PIK3C2G: variants seen among roughly 807,000 people sequenced by gnomAD.
The protein encoded by PIK3C2G is phosphatidylinositol-4-phosphate 3-kinase catalytic subunit type 2 gamma.
In PIK3C2G, 168 loss-of-function variants were observed where a neutral mutation model predicts 181.1. The observed-to-expected ratio is 0.93, with a 90% CI of 0.82 to 1.05. The LOEUF (loss-of-function observed/expected upper bound fraction) is 1.05, where lower values mean the gene tolerates loss of function less well. Among genes scored for constraint, PIK3C2G ranks in the 50% least tolerant of loss-of-function variants. PIK3C2G has a pLI of 0.00. For synonymous variants in PIK3C2G, 573 were observed against 592.2 expected, an observed-to-expected ratio of 0.97 and a Z score of 0.47; for missense variants, 1,869 against 1,732.8, an observed-to-expected ratio of 1.08 and a Z score of -1.40.
chr12:18,712,578 TA>T, the PIK3C2G span, among the ~76,000 whole-genome samples: 1 of 152,088 alleles, frequency 6.6e-6, no homozygotes, highest in Non-Finnish European at 1.5e-5. Context: ...CAATAATAAA[TA>T]TATTTTACCT....
chr12:18,262,614 C>CA (rs778968769), intron 1 of PIK3C2G, among the ~76,000 whole-genome samples: 11,244 of 95,038 alleles, frequency 0.12, 481 homozygotes, highest in Non-Finnish European at 0.14. Context: ...AGTGAGCTGA[C>CA]AAAAAAAAAA....
intron 5 of PIK3C2G, among the ~76,000 whole-genome samples, chr12:18,310,115 G>C (rs1210080657): frequency 6.6e-6 from 1 of 151,844 alleles, no homozygotes; most frequent in Non-Finnish European, 1.5e-5. Flanking sequence ...ATTCAATGTA[G>C]AGGAAACAAC....
chr12:18,377,577 G>A (rs776955215), intron 13 of PIK3C2G, among the ~76,000 whole-genome samples: 1 of 152,090 alleles, frequency 6.6e-6, no homozygotes, highest in Non-Finnish European at 1.5e-5. Context: ...AAACTCTGAA[G>A]ACCATTGATT....
At chr12:18,688,706 C>A in the PIK3C2G span, among the ~76,000 whole-genome samples, 3 of 152,002 alleles carry the variant, frequency 2.0e-5, no homozygotes, top group South Asian at 2.1e-4. Context: ...TCAAAAAAAT[C>A]TTAACAAAGT....
At chr12:18,705,444 T>A in the PIK3C2G span, 1 of 1,103,486 alleles carries the variant, frequency 9.1e-7, no homozygotes, top group Non-Finnish European at 1.3e-6. Context: ...ATAACTATTC[T>A]TTAAACTGAA....
intron 31 of PIK3C2G, among the ~76,000 whole-genome samples, chr12:18,631,377 C>T (rs1383323572): frequency 6.6e-6 from 1 of 152,168 alleles, no homozygotes; most frequent in African/African-American, 2.4e-5. Flanking sequence ...ATTCAAGGAC[C>T]TCGTCAAAGA....
In PIK3C2G at chr12:18,644,070, G is replaced by A. The variant is rs552629257; in HGVS notation, c.4308+3516G>A. Among the ~76,000 whole-genome samples, 18 of 152,098 alleles carry A rather than the reference G, an allele frequency of 1.2e-4. No individual in the cohort carries two copies. In the South Asian group the frequency reaches 3.5e-3, roughly 30 times the overall value. ...CCAGAGATGAGAGGGGCTGGGTCGG[G>A]GACACAGAAAAGTGACAGAGTCTCC... On this transcript the variant is annotated intron_variant, in intron 32 of 32. Coordinates refer to ENST00000538779, the MANE Select transcript of PIK3C2G (RefSeq NM_001288772.2).
At chr12:18,257,774 GAAAA>G (rs984805036), upstream of PIK3C2G, among the ~76,000 whole-genome samples, 1 of 132,724 alleles carries the variant, frequency 7.5e-6, no homozygotes, top group African/African-American at 2.8e-5. Context: ...AAAAGAAGAA[GAAAA>G]AGAAAGAAAG....
intron 2 of PIK3C2G, among the ~76,000 whole-genome samples, chr12:18,286,472 T>C (rs1949448814): frequency 6.6e-6 from 1 of 152,102 alleles, no homozygotes; most frequent in African/African-American, 2.4e-5. Context: ...AAAACATGTG[T>C]ATCATTACAT....
chr12:18,627,069 T>C (rs1949134060), intron 31 of PIK3C2G, among the ~76,000 whole-genome samples: 2 of 151,978 alleles, frequency 1.3e-5, no homozygotes, highest in Non-Finnish European at 2.9e-5. Context: ...TCTTCCATTT[T>C]TTTTTTCTTT....
intron 29 of PIK3C2G, among the ~76,000 whole-genome samples, chr12:18,581,436 G>A (rs939681626): frequency 3.9e-5 from 6 of 152,116 alleles, no homozygotes; most frequent in South Asian, 2.1e-4. Context: ...AATCCCAAAC[G>A]TTTATTTATT....
chr12:18,259,987 T>C (rs933977789), upstream of PIK3C2G, among the ~76,000 whole-genome samples: 1 of 152,190 alleles, frequency 6.6e-6, no homozygotes, highest in Admixed American at 6.6e-5. Context: ...GCGTACATGT[T>C]AAGCAAGGAA....
chr12:18,537,578 G>A (rs933726769), intron 24 of PIK3C2G, among the ~76,000 whole-genome samples: 4 of 151,954 alleles, frequency 2.6e-5, no homozygotes, highest in African/African-American at 9.7e-5. Flanking sequence ...TAATGATATG[G>A]TCTACTCATA....
chr12:18,276,518 C>T (rs184661346), intron 1 of PIK3C2G, among the ~76,000 whole-genome samples: 1 of 152,208 alleles, frequency 6.6e-6, no homozygotes, highest in Admixed American at 6.6e-5. Flanking sequence ...CAAAAACATA[C>T]CCAATATATA....
At chr12:18,725,189 C>A in the PIK3C2G span, among the ~76,000 whole-genome samples, 1 of 152,032 alleles carries the variant, frequency 6.6e-6, no homozygotes, top group East Asian at 1.9e-4. Context: ...AGGGGAAGAT[C>A]TAATTTTAGT....
the PIK3C2G span, among the ~76,000 whole-genome samples, chr12:18,700,479 G>C: frequency 1.5e-5 from 2 of 129,956 alleles, no homozygotes; most frequent in Non-Finnish European, 3.1e-5. Context: ...ATTGGTTCTG[G>C]GATGTGCGCA....
chr12:18,346,688 C>A lies in PIK3C2G; in HGVS notation c.1477C>A (p.Leu493Ile), dbSNP rs1370545433. 11 of 1,613,030 alleles carry A rather than the reference C, an allele frequency of 6.8e-6. No homozygotes were observed. Among genetic ancestry groups the A allele is most frequent in the Non-Finnish European group, 9.3e-6 (11 of 1,179,268 alleles). ...TGAACTATCCACATCCATCTACCAG[C>A]TAATCAATGTCTACTGTAACAGCTT... is the stretch of plus-strand genomic sequence containing the variant. Reference protein sequence around the residue: ...TTELSTSIYQLINVYCNSFYA... With the variant: ...TTELSTSIYQIINVYCNSFYA... Residue 493 changes from leucine (L) to isoleucine (I), a missense_variant, in exon 11 of 33, where the codon CTA becomes ATA. Physicochemically the swap from Leu to Ile is conservative, Grantham distance 5. Transcript: ENST00000538779.
chr12:18,495,122 A>G lies in PIK3C2G; in HGVS notation c.2794-940A>G, dbSNP rs146856085. Among the ~76,000 whole-genome samples, 3 of 152,224 alleles carry G rather than the reference A, an allele frequency of 2.0e-5. No homozygotes were observed. The East Asian group carries it at 5.8e-4, about 30-fold the overall frequency. ...CAACTTCTAATTTCAGACTTCTTGTAGATAACGTTGTTCAAGCTGATCTTT... is the reference window on the plus strand; with the variant it reads ...CAACTTCTAATTTCAGACTTCTTGTGGATAACGTTGTTCAAGCTGATCTTT... On this transcript the variant is annotated intron_variant, in intron 20 of 32. Transcript: ENST00000538779.
chr12:18,275,072 T>C (rs918774221), intron 1 of PIK3C2G, among the ~76,000 whole-genome samples: 1 of 152,260 alleles, frequency 6.6e-6, no homozygotes, highest in Non-Finnish European at 1.5e-5. Context: ...AGTTCCTGCA[T>C]GTTTCCTGAG....
Sources: gnomAD v4.1 joint callset for allele counts (sites outside exome capture counted in the v4.1 genomes callset) on GRCh38, gnomAD v4.1.1 for gene constraint, MANE v1.5 for transcripts, NCBI Gene and HGNC (gene_info 2026-07-23, HGNC 2026-07-21) for gene names.